SLC5A4: variants seen among roughly 807,000 people sequenced by gnomAD.
The protein encoded by SLC5A4 is probable glucose sensor protein SLC5A4.
In SLC5A4, 55 loss-of-function variants were observed where a neutral mutation model predicts 70.3. The observed-to-expected ratio is 0.78, with a 90% CI of 0.63 to 0.98. The LOEUF (loss-of-function observed/expected upper bound fraction) is 0.98. SLC5A4 is among the 50% of genes least tolerant of loss of function. SLC5A4 has a pLI of 0.00. For missense variants in SLC5A4, 735 were observed against 839.2 expected (o/e 0.88, Z 1.53); for synonymous variants, 268 against 305.7 (o/e 0.88, Z 1.29).
chr22:32,277,870 G>A, the SLC5A4 span, among the ~76,000 whole-genome samples: 1,779 of 152,206 alleles, frequency 0.012, 38 homozygotes, highest in African/African-American at 0.04. Context: ...TTATTTTAAA[G>A]TTCTATTTCA....
chr22:32,330,894 GGCTCTCCTGTGTGTGTGTGTGTT>G, the SLC5A4 span, among the ~76,000 whole-genome samples: 1 of 126,100 alleles, frequency 7.9e-6, no homozygotes, highest in African/African-American at 3.0e-5. Flanking sequence ...GAGTGTTGGG[GGCTCTCCTGTGTGTGTGTGTGTT>G]GGAGGCCTCT....
At chr22:32,264,298 G>T in the SLC5A4 span, among the ~76,000 whole-genome samples, 2 of 151,972 alleles carry the variant, frequency 1.3e-5, no homozygotes, top group Admixed American at 6.6e-5. Context: ...TCTCAATCAG[G>T]TGTGGCAGCT....
the SLC5A4 span, among the ~76,000 whole-genome samples, chr22:32,324,423 C>T: frequency 6.6e-6 from 1 of 152,122 alleles, no homozygotes; most frequent in East Asian, 1.9e-4. Flanking sequence ...GGGCCTCTTA[C>T]CAACAGGACT....
At chr22:32,227,299 T>C (rs1925461237) in intron 11 of SLC5A4, among the ~76,000 whole-genome samples, 1 of 152,194 alleles carries the variant, frequency 6.6e-6, no homozygotes, top group Non-Finnish European at 1.5e-5. Context: ...GTGGGACGAC[T>C]GCATCTTGGG....
At chr22:32,292,866 G>A in the SLC5A4 span, among the ~76,000 whole-genome samples, 2 of 152,042 alleles carry the variant, frequency 1.3e-5, no homozygotes, top group Non-Finnish European at 2.9e-5. Context: ...GTAGAGAGAG[G>A]TAGGTTAAAA....
At chr22:32,238,842 G>T (rs1003309177) in intron 6 of SLC5A4, 143 bp downstream of exon 6, 3 of 651,866 alleles carry the variant, frequency 4.6e-6, no homozygotes, top group Admixed American at 4.6e-5. Flanking sequence ...TGTGTTTCTG[G>T]TGCTGTGCTT....
the SLC5A4 span, among the ~76,000 whole-genome samples, chr22:32,329,596 C>T: frequency 1.1e-5 from 1 of 94,454 alleles, no homozygotes; most frequent in East Asian, 3.9e-4. Flanking sequence ...GTCTTGGGGG[C>T]TCTGGTGTGT....
At chr22:32,311,180 A>G in the SLC5A4 span, among the ~76,000 whole-genome samples, 1 of 152,204 alleles carries the variant, frequency 6.6e-6, no homozygotes, top group African/African-American at 2.4e-5. Context: ...AGTTCCCGGC[A>G]GAACACTCGC....
rs183499105 is a variant in SLC5A4, at chr22:32,244,089, C to T, written c.477+3322G>A. On this transcript the variant is annotated intron_variant, in intron 5 of 14. Transcript: ENST00000266086. ...AAATCTGACATTTTATCATCCCATG[C>T]GATACTGATGTTGGCCAAAAACCTG... 2.6e-3 allele frequency among the ~76,000 whole-genome samples: 395 copies of T among 152,274 alleles called. 1 individual carries two copies. Among genetic ancestry groups the T allele is most frequent in the African/African-American group, 9.2e-3 (382 of 41,568 alleles).
At chr22:32,352,418 A>G in the SLC5A4 span, among the ~76,000 whole-genome samples, 4 of 151,972 alleles carry the variant, frequency 2.6e-5, no homozygotes, top group East Asian at 3.9e-4. Flanking sequence ...AAAAAAAAAA[A>G]AAGTCCAAGA....
the SLC5A4 span, among the ~76,000 whole-genome samples, chr22:32,352,183 C>T: frequency 2.7e-5 from 4 of 147,990 alleles, no homozygotes; most frequent in Admixed American, 7.0e-5. Context: ...AACCAAACAT[C>T]GTTATGTTCT....
At chr22:32,297,544 TTTTTTC>T in the SLC5A4 span, among the ~76,000 whole-genome samples, 1 of 65,154 alleles carries the variant, frequency 1.5e-5, no homozygotes, top group Non-Finnish European at 3.0e-5. Flanking sequence ...TCTTCTCTCT[TTTTTTC>T]TTTATTAGTC....
the SLC5A4 span, chr22:32,272,266 C>A: frequency 3.7e-6 from 3 of 802,988 alleles, no homozygotes; most frequent in African/African-American, 5.0e-5. Flanking sequence ...CAGCCCTTGA[C>A]CAAGAACAAG....
At chr22:32,257,705 G>C (rs1233911724), upstream of SLC5A4, among the ~76,000 whole-genome samples, 1 of 138,560 alleles carries the variant, frequency 7.2e-6, no homozygotes, top group Non-Finnish European at 1.5e-5. Flanking sequence ...CACTCTTGTT[G>C]CCCAGGCTGG....
chr22:32,243,945 T>G (rs906557379), intron 5 of SLC5A4, among the ~76,000 whole-genome samples: 5 of 152,166 alleles, frequency 3.3e-5, no homozygotes, highest in Admixed American at 2.6e-4. Flanking sequence ...GCTGAGATTG[T>G]GCCACTGCAC....
At chr22:32,307,289 A>G in the SLC5A4 span, among the ~76,000 whole-genome samples, 2 of 152,156 alleles carry the variant, frequency 1.3e-5, no homozygotes, top group African/African-American at 2.4e-5. Flanking sequence ...GCTCTTCATC[A>G]AGCATTTATC....
chr22:32,249,465 G>T (rs961973696), intron 3 of SLC5A4, among the ~76,000 whole-genome samples: 2 of 152,122 alleles, frequency 1.3e-5, no homozygotes, highest in Admixed American at 1.3e-4. Flanking sequence ...CTTCATTCTG[G>T]TGTCCATGGC....
At chr22:32,225,957 T>C (rs1236940456) in intron 11 of SLC5A4, 134 bp from the exon 12 acceptor site, 1 of 610,464 alleles carries the variant, frequency 1.6e-6, no homozygotes. Flanking sequence ...TGATCATACA[T>C]AAACCCATGC....
At chr22:32,285,183 A>G in the SLC5A4 span, 1 of 152,128 alleles carries the variant, frequency 6.6e-6, no homozygotes. Flanking sequence ...ATATGTGTGT[A>G]TATGCATTTT....
Sources: allele counts gnomAD v4.1 joint callset (sites outside exome capture counted in the v4.1 genomes callset), GRCh38; gene constraint gnomAD v4.1.1; transcripts MANE v1.5; gene names NCBI Gene and HGNC (gene_info 2026-07-23, HGNC 2026-07-21).